The following SREBF2 variants were observed in gnomAD, a reference collection of about 807,000 sequenced individuals.
SREBF2 encodes sterol regulatory element binding transcription factor 2, also known as sterol regulatory element-binding protein 2.
A neutral mutation model predicts 113.1 loss-of-function variants in SREBF2; 55 were observed. The observed-to-expected ratio is 0.49, with a 90% CI of 0.39 to 0.61. The LOEUF (loss-of-function observed/expected upper bound fraction) is 0.61, where lower values mean the gene tolerates loss of function less well. Ranked by LOEUF, SREBF2 falls within the 20% of genes least tolerant of loss-of-function variation. SREBF2 has a pLI of 0.00. For synonymous variants in SREBF2, 593 were observed against 605.7 expected, an observed-to-expected ratio of 0.98 and a Z score of 0.31; for missense variants, 1,349 against 1,487.4, an observed-to-expected ratio of 0.91 and a Z score of 1.53.
chr22:41,864,259 T>TACACAC lies in SREBF2; in HGVS notation c.89-2571_89-2570insCACACA, dbSNP rs1388382956. ...ATATATATATATATATATATATATA[T>TACACAC]ATACACACACACACACACACACACA... On this transcript the variant is annotated intron_variant, in intron 1 of 18. Coordinates refer to ENST00000361204, the MANE Select transcript of SREBF2 (RefSeq NM_004599.4). Among the ~76,000 whole-genome samples, 573 of 65,136 alleles carry TACACAC rather than the reference T, an allele frequency of 8.8e-3. 3 individuals carry two copies. Among genetic ancestry groups the TACACAC allele is most frequent in the Non-Finnish European group, 0.013 (418 of 32,950 alleles). The allele number at this position is 65,136 out of a possible 152,430, so 42.7% of individuals were successfully genotyped here.
intron 18 of SREBF2, 146 bp downstream of exon 18, chr22:41,905,120 C>T (rs564467951): frequency 9.3e-5 from 79 of 851,706 alleles, no homozygotes; most frequent in African/African-American, 8.6e-4. Context: ...AGCCCGAGGC[C>T]GCCCTTGGTG....
chr22:41,839,073 GC>G (rs1292684465), intron 1 of SREBF2, among the ~76,000 whole-genome samples: 7 of 152,138 alleles, frequency 4.6e-5, no homozygotes, highest in Non-Finnish European at 1.0e-4. Flanking sequence ...AACTGGGTGA[GC>G]AAGGAGTGAG....
rs748377635 is a variant in SREBF2, at chr22:41,867,151, C to T, written c.409C>T (p.Pro137Ser). The T allele has an allele frequency of 1.9e-6, 3 of 1,614,212 alleles. No individual in the cohort carries two copies. The highest frequency in any genetic ancestry group is 2.5e-6 in the Non-Finnish European group (3 of 1,180,048). Reference protein sequence around the residue: ...ATPILQPRPQPQPQPQTQLQQ... With the variant: ...ATPILQPRPQSQPQPQTQLQQ... ...TCCTATTCTTCAGCCCCGCCCCCAG[C>T]CCCAGCCTCAACCTCAAACTCAGCT... is the stretch of plus-strand genomic sequence containing the variant. Residue 137 changes from proline to serine, a missense_variant, in exon 2 of 19, where the codon CCC (proline) becomes TCC (serine). Transcript: ENST00000361204.
intron 1 of SREBF2, among the ~76,000 whole-genome samples, chr22:41,866,602 G>T (rs569756611): frequency 2.4e-4 from 36 of 152,116 alleles, no homozygotes; most frequent in Admixed American, 9.2e-4. Flanking sequence ...AGGTGAGTGT[G>T]AGGAGGGAAA....
At position 41,884,383 on chromosome 22, in the gene SREBF2, G is replaced by A. The variant is rs530250820; in HGVS notation, c.2039-459G>A. 6.6e-5 allele frequency among the ~76,000 whole-genome samples: 10 copies of A among 152,234 alleles called. No homozygotes were observed. The South Asian group carries it at 1.0e-3, about 16-fold the overall frequency. ...AACTCCTGATCTTAAGTGATCCGCC[G>A]GCCTTGGCCTCCCAAAGTGCTGGGA... On this transcript the variant is annotated intron_variant, in intron 10 of 18. Transcript: ENST00000361204.
At chr22:41,888,765 A>G (rs1047804343) in intron 11 of SREBF2, among the ~76,000 whole-genome samples, 1 of 152,216 alleles carries the variant, frequency 6.6e-6, no homozygotes, top group Non-Finnish European at 1.5e-5. Context: ...GCTGTGTCAA[A>G]GGATATAAAT....
chr22:41,845,356 T>C (rs1288934086), intron 1 of SREBF2, among the ~76,000 whole-genome samples: 3 of 152,182 alleles, frequency 2.0e-5, no homozygotes, highest in Non-Finnish European at 1.5e-5. Flanking sequence ...GATGTGGGAT[T>C]CCATATTCTT....
At chr22:41,871,162 T>C (rs2077137063) in intron 4 of SREBF2, 127 bp downstream of exon 4, 1 of 1,285,160 alleles carries the variant, frequency 7.8e-7, no homozygotes, top group Non-Finnish European at 1.1e-6. Context: ...ATCAGTCAAA[T>C]TGTAAATGTC....
At chr22:41,904,786 G>C in intron 17 of SREBF2, 77 bp from the exon 18 acceptor site, 1 of 1,181,964 alleles carries the variant, frequency 8.5e-7, no homozygotes, top group Non-Finnish European at 1.2e-6. Context: ...CAGGCGAGAT[G>C]GCTCAGGGAG....
chr22:41,867,035 C>G lies in SREBF2; in HGVS notation c.293C>G (p.Pro98Arg). The G allele has an allele frequency of 1.9e-6, 3 of 1,614,164 alleles. No homozygotes were observed. Among genetic ancestry groups the G allele is most frequent in the South Asian group, 1.1e-5 (1 of 91,090 alleles). Residue 98 changes from proline (P) to arginine (R), a missense_variant, in exon 2 of 19, where the codon CCT (proline) becomes CGT (arginine). Coordinates refer to ENST00000361204, the MANE Select transcript of SREBF2 (RefSeq NM_004599.4). ...CGGTCATTCACCCAGGTCACATTACCTTCCTTCTCTCCCTCGGCGGCCTCC... is the reference window on the plus strand; with the variant it reads ...CGGTCATTCACCCAGGTCACATTACGTTCCTTCTCTCCCTCGGCGGCCTCC... Reference protein sequence around the residue: ...VQRSFTQVTLPSFSPSAASPQ... With the variant: ...VQRSFTQVTLRSFSPSAASPQ...
intron 1 of SREBF2, among the ~76,000 whole-genome samples, chr22:41,859,057 A>G (rs941705120): frequency 6.8e-6 from 1 of 148,106 alleles, no homozygotes; most frequent in Non-Finnish European, 1.5e-5. Context: ...CAGGAGGTGG[A>G]GGTTGCAGTG....
intron 10 of SREBF2, among the ~76,000 whole-genome samples, chr22:41,883,842 A>G (rs184490316): frequency 3.9e-5 from 6 of 152,348 alleles, no homozygotes; most frequent in South Asian, 4.1e-4. Context: ...TGACATGGGC[A>G]CTTCCTCCCC....
chr22:41,878,802 C>A, intron 9 of SREBF2: 1 of 1,196,830 alleles, frequency 8.4e-7, no homozygotes, highest in Non-Finnish European at 1.1e-6. Flanking sequence ...AGCTGCAGGG[C>A]CATTAGTGAG....
chr22:41,901,143 C>G, intron 16 of SREBF2: 3 of 363,430 alleles, frequency 8.3e-6, no homozygotes, highest in South Asian at 6.2e-5. Flanking sequence ...AGGAGGGCAC[C>G]CAGCTGAAAG....
chr22:41,845,950 G>A (rs2148346644), intron 1 of SREBF2, among the ~76,000 whole-genome samples: 1 of 152,318 alleles, frequency 6.6e-6, no homozygotes, highest in African/African-American at 2.4e-5. Flanking sequence ...AGGATCAGAG[G>A]AGCCTTCTCA....
chr22:41,893,800 A>G (rs5996081), intron 12 of SREBF2, among the ~76,000 whole-genome samples: 6,805 of 152,178 alleles, frequency 0.045, 489 homozygotes, highest in African/African-American at 0.15. Flanking sequence ...TGTCCCTGGC[A>G]TTTGATAGTG....
intron 10 of SREBF2, among the ~76,000 whole-genome samples, chr22:41,884,376 A>G (rs193269909): frequency 3.9e-5 from 6 of 152,242 alleles, no homozygotes; most frequent in East Asian, 1.9e-4. Context: ...ATCTTAAGTG[A>G]TCCGCCGGCC....
At chr22:41,874,905 C>A (rs1314588246) in intron 5 of SREBF2, among the ~76,000 whole-genome samples, 2 of 150,366 alleles carry the variant, frequency 1.3e-5, no homozygotes. Flanking sequence ...GAAACTCTGT[C>A]TTGGAAAAAA....
chr22:41,859,314 T>C (rs2077004489), intron 1 of SREBF2, among the ~76,000 whole-genome samples: 1 of 152,170 alleles, frequency 6.6e-6, no homozygotes, highest in Non-Finnish European at 1.5e-5. Context: ...GAAGGAGGGC[T>C]GTCTGAAGTC....
Sources: allele counts gnomAD v4.1 joint callset (sites outside exome capture counted in the v4.1 genomes callset), GRCh38; gene constraint gnomAD v4.1.1; transcripts MANE v1.5; gene names NCBI Gene and HGNC (gene_info 2026-07-23, HGNC 2026-07-21).